Variants in FRMD4B observed in about 807,000 individuals in gnomAD.
FRMD4B encodes the protein FERM domain-containing protein 4B.
Under a neutral mutation model 141.5 loss-of-function variants are expected in FRMD4B, and 74 were observed. That is an observed-to-expected ratio of 0.52 (90% CI 0.43 to 0.63). The LOEUF (loss-of-function observed/expected upper bound fraction) is 0.63. FRMD4B is among the 30% of genes least tolerant of loss of function. FRMD4B has a pLI of 0.00. For missense variants in FRMD4B, 1,366 were observed against 1,253.4 expected, an observed-to-expected ratio of 1.09 and a Z score of -1.36; for synonymous variants, 506 against 467.9, an observed-to-expected ratio of 1.08 and a Z score of -1.05.
intron 1 of FRMD4B, among the ~76,000 whole-genome samples, chr3:69,315,754 C>G (rs1011018121): frequency 6.6e-6 from 1 of 152,212 alleles, no homozygotes; most frequent in Non-Finnish European, 1.5e-5. Flanking sequence ...CTATCACAAG[C>G]AATGTCACCA....
At chr3:69,391,916 A>C (rs1281158717) in intron 2 of FRMD4B, among the ~76,000 whole-genome samples, 1 of 152,176 alleles carries the variant, frequency 6.6e-6, no homozygotes, top group African/African-American at 2.4e-5. Context: ...ACATTTCTAA[A>C]TGCTGCTAGG....
At chr3:69,244,296 G>A (rs1020096335) in intron 7 of FRMD4B, among the ~76,000 whole-genome samples, 3 of 152,156 alleles carry the variant, frequency 2.0e-5, no homozygotes, top group African/African-American at 7.2e-5. Context: ...GAGCTGGTTT[G>A]GAGGCTGGGC....
chr3:69,313,116 G>A (rs1050029330), intron 2 of FRMD4B, among the ~76,000 whole-genome samples: 4 of 152,098 alleles, frequency 2.6e-5, no homozygotes, highest in African/African-American at 9.7e-5. Flanking sequence ...GAAGTACTAC[G>A]GTTCCCAATT....
At chr3:69,210,928 C>G (rs6766537) in intron 11 of FRMD4B, among the ~76,000 whole-genome samples, 130,541 of 151,464 alleles carry the variant, frequency 0.86, 56,498 homozygotes, top group Admixed American at 0.9. Flanking sequence ...CAGGAGAATT[C>G]CTTGAACCCG....
At position 69,478,036 on chromosome 3, in the gene FRMD4B, G is replaced by A. The variant is rs1023755034; in HGVS notation, c.-128-45275C>T. Reference sequence around the variant, plus strand: ...TCTGATGGTAGTTTGTATTTCTGAGGGATCAGTGGTGATATCCCCTTTATC... The same window carrying A: ...TCTGATGGTAGTTTGTATTTCTGAGAGATCAGTGGTGATATCCCCTTTATC... On this transcript the variant is annotated intron_variant, in intron 1 of 5. Coordinates refer to the FRMD4B transcript ENST00000459638. 1.1e-4 allele frequency among the ~76,000 whole-genome samples: 16 copies of A among 152,102 alleles called. No homozygotes were observed. In the East Asian group the frequency reaches 2.7e-3, roughly 26 times the overall value.
intron 4 of FRMD4B, among the ~76,000 whole-genome samples, chr3:69,290,817 AGGTCTT>A (rs1191535223): frequency 6.6e-6 from 1 of 152,170 alleles, no homozygotes; most frequent in Admixed American, 6.5e-5. Flanking sequence ...TGGTGGGGCT[AGGTCTT>A]GGTCTGGGAC....
At chr3:69,500,423 T>A (rs1242957327) in intron 1 of FRMD4B, among the ~76,000 whole-genome samples, 1 of 152,144 alleles carries the variant, frequency 6.6e-6, no homozygotes. Context: ...TCATCCTTAT[T>A]CCTTGACACT....
chr3:69,495,606 T>C (rs550853451), intron 1 of FRMD4B, among the ~76,000 whole-genome samples: 1 of 152,374 alleles, frequency 6.6e-6, no homozygotes, highest in East Asian at 1.9e-4. Context: ...GAATCCCACC[T>C]CTGCCCCTTG....
chr3:69,536,699 A>T, intron 1 of FRMD4B: 1 of 695,708 alleles, frequency 1.4e-6, no homozygotes, highest in East Asian at 2.8e-5. Flanking sequence ...GGGAGGCATC[A>T]GTAGTTTTAT....
chr3:69,471,598 A>AT (rs1441088727), intron 1 of FRMD4B: 1 of 203,038 alleles, frequency 4.9e-6, no homozygotes, highest in African/African-American at 2.3e-5. Context: ...CCATTTAATG[A>AT]TTTTCTCTCT....
chr3:69,458,335 T>C (rs1366253066), intron 1 of FRMD4B, among the ~76,000 whole-genome samples: 3 of 152,120 alleles, frequency 2.0e-5, no homozygotes, highest in Non-Finnish European at 4.4e-5. Context: ...TCACAGAGCA[T>C]GAGGCATTAA....
At chr3:69,307,200 G>C (rs555294093) in intron 3 of FRMD4B, among the ~76,000 whole-genome samples, 1 of 152,030 alleles carries the variant, frequency 6.6e-6, no homozygotes, top group Non-Finnish European at 1.5e-5. Flanking sequence ...CATGACTATA[G>C]TTACCTCCTT....
intron 1 of FRMD4B, among the ~76,000 whole-genome samples, chr3:69,376,140 T>C (rs1011858170): frequency 6.6e-6 from 1 of 152,144 alleles, no homozygotes; most frequent in African/African-American, 2.4e-5. Flanking sequence ...GTGACATAAT[T>C]ATAAAAACAT....
intron 7 of FRMD4B, among the ~76,000 whole-genome samples, chr3:69,248,156 T>A (rs891158504): frequency 6.6e-6 from 1 of 152,058 alleles, no homozygotes; most frequent in Non-Finnish European, 1.5e-5. Flanking sequence ...TTTTTTTTTT[T>A]AAACTCCTGC....
intron 1 of FRMD4B, among the ~76,000 whole-genome samples, chr3:69,513,631 T>C (rs1483099859): frequency 6.6e-6 from 1 of 152,034 alleles, no homozygotes. Context: ...AAAATAATGA[T>C]GAAAAAACTT....
chr3:69,221,191 G>A (rs2093190815), intron 9 of FRMD4B, among the ~76,000 whole-genome samples: 1 of 152,062 alleles, frequency 6.6e-6, no homozygotes, highest in Non-Finnish European at 1.5e-5. Context: ...TCGAACCTCT[G>A]ATCTCAAATG....
chr3:69,279,341 C>T (rs377513681), intron 5 of FRMD4B, among the ~76,000 whole-genome samples: 12 of 152,272 alleles, frequency 7.9e-5, no homozygotes, highest in African/African-American at 2.6e-4. Flanking sequence ...AATTGTTTAA[C>T]CTATTTATGC....
chr3:69,384,618 C>T (rs989750527), intron 1 of FRMD4B, among the ~76,000 whole-genome samples: 1 of 152,318 alleles, frequency 6.6e-6, no homozygotes, highest in Non-Finnish European at 1.5e-5. Context: ...TGGTTCCCAA[C>T]CTGCCTTTCA....
intron 2 of FRMD4B, among the ~76,000 whole-genome samples, chr3:69,312,672 G>C (rs1701639413): frequency 6.6e-6 from 1 of 152,214 alleles, no homozygotes; most frequent in African/African-American, 2.4e-5. Context: ...GCTGAGGAGG[G>C]TGGATCACTT....
Sources: allele counts gnomAD v4.1 joint callset (sites outside exome capture counted in the v4.1 genomes callset), GRCh38; gene constraint gnomAD v4.1.1; transcripts MANE v1.5; gene names NCBI Gene and HGNC (gene_info 2026-07-23, HGNC 2026-07-21).